ANKS1B: variants seen among roughly 807,000 people sequenced by gnomAD.
ANKS1B encodes the protein ankyrin repeat and sterile alpha motif domain-containing protein 1B.
In ANKS1B, 36 loss-of-function variants were observed where a neutral mutation model predicts 148.3. That is an observed-to-expected ratio of 0.24 (90% CI 0.19 to 0.32). The LOEUF (loss-of-function observed/expected upper bound fraction) is 0.32, where lower values mean the gene tolerates loss of function less well. ANKS1B is among the 10% of genes least tolerant of loss of function. The pLI is 1.00. For synonymous variants in ANKS1B, 542 were observed against 560.8 expected (o/e 0.97, Z 0.47); for missense variants, 1,157 against 1,542.6 (o/e 0.75, Z 4.19).
At chr12:99,905,868 T>A (rs1181119751) in intron 1 of ANKS1B, among the ~76,000 whole-genome samples, 5 of 152,182 alleles carry the variant, frequency 3.3e-5, no homozygotes, top group African/African-American at 9.7e-5. Flanking sequence ...ACAGTCACAT[T>A]ATAAGGTAGA....
chr12:98,753,434 C>CT (rs11351993), intron 25 of ANKS1B, among the ~76,000 whole-genome samples: 43 of 150,522 alleles, frequency 2.9e-4, no homozygotes, highest in Admixed American at 1.5e-3. Flanking sequence ...TTTCTTTTTT[C>CT]TTTTTTTTTT....
intron 9 of ANKS1B, among the ~76,000 whole-genome samples, chr12:99,646,418 G>A (rs2098364745): frequency 1.3e-5 from 2 of 152,084 alleles, no homozygotes; most frequent in Non-Finnish European, 2.9e-5. Flanking sequence ...CAGCACTTGG[G>A]GGGCCAAGGC....
chr12:99,289,162 A>T (rs2079556953), intron 12 of ANKS1B, among the ~76,000 whole-genome samples: 1 of 152,088 alleles, frequency 6.6e-6, no homozygotes, highest in Non-Finnish European at 1.5e-5. Context: ...AAAACTACAA[A>T]AAGTGATAAA....
intron 15 of ANKS1B, among the ~76,000 whole-genome samples, chr12:99,145,612 CAAGT>C (rs1228586279): frequency 1.3e-5 from 2 of 152,054 alleles, no homozygotes; most frequent in Admixed American, 6.6e-5. Flanking sequence ...GCAGAGCAAG[CAAGT>C]GAGAAGCTAA....
chr12:99,971,634 A>G (rs1161604645), intron 1 of ANKS1B, among the ~76,000 whole-genome samples: 1 of 152,144 alleles, frequency 6.6e-6, no homozygotes, highest in African/African-American at 2.4e-5. Context: ...AGAAAAATCA[A>G]TGTGGAAGAA....
chr12:99,741,070 T>C (rs1245501568), intron 8 of ANKS1B, among the ~76,000 whole-genome samples: 3 of 151,914 alleles, frequency 2.0e-5, no homozygotes. Flanking sequence ...TAGCTGGGTG[T>C]GGTGGCGCGT....
chr12:99,940,645 C>T (rs2094897357), intron 1 of ANKS1B, among the ~76,000 whole-genome samples: 1 of 152,108 alleles, frequency 6.6e-6, no homozygotes. Context: ...TTACTTAACG[C>T]TTCCAACTTG....
At chr12:99,024,108 TG>T (rs2099947393) in intron 17 of ANKS1B, among the ~76,000 whole-genome samples, 2 of 152,038 alleles carry the variant, frequency 1.3e-5, no homozygotes, top group South Asian at 4.1e-4. Flanking sequence ...CTTGGTTGTT[TG>T]TTTAATCATT....
chr12:99,688,707 T>A (rs1001098346), intron 8 of ANKS1B, among the ~76,000 whole-genome samples: 3 of 152,040 alleles, frequency 2.0e-5, no homozygotes, highest in Non-Finnish European at 4.4e-5. Flanking sequence ...GGTGCACACC[T>A]GTAGTCCAAA....
chr12:99,443,039 G>T lies in ANKS1B; in HGVS notation c.1575+634C>A, dbSNP rs1056728867. 2.6e-5 allele frequency among the ~76,000 whole-genome samples: 4 copies of T among 151,810 alleles called. No homozygotes were observed. In the South Asian group the frequency reaches 8.3e-4, roughly 31 times the overall value. On this transcript the variant is annotated intron_variant, in intron 11 of 26. Transcript: ENST00000683438. ...ATATCACAGAACAGCTTGTCCCAAT[G>T]ATATTTCTAAAGCTTGCCTGCAAAC... is the stretch of plus-strand genomic sequence containing the variant.
At chr12:98,787,727 C>G (rs1160597148) in intron 22 of ANKS1B, among the ~76,000 whole-genome samples, 2 of 151,774 alleles carry the variant, frequency 1.3e-5, no homozygotes, top group Non-Finnish European at 2.9e-5. Context: ...CGAGACCAGC[C>G]TGGGCAACAC....
At chr12:99,973,686 T>G (rs1360619774) in intron 1 of ANKS1B, among the ~76,000 whole-genome samples, 1 of 152,232 alleles carries the variant, frequency 6.6e-6, no homozygotes, top group Admixed American at 6.5e-5. Context: ...GAGGGATTCA[T>G]GATTTCAACA....
At chr12:99,741,931 A>G (rs2060153377) in intron 8 of ANKS1B, among the ~76,000 whole-genome samples, 1 of 152,132 alleles carries the variant, frequency 6.6e-6, no homozygotes, top group African/African-American at 2.4e-5. Context: ...AAAAAAAAGA[A>G]TAAGATCATG....
In ANKS1B at chr12:99,084,994, C is replaced by T; in HGVS notation, c.2556G>A (p.Leu852=). ...MGSNVMEDQD[L]LEIGILNSGH... ...CAGAATTAAGGATTCCAATTTCCAA[C>T]AAATCCTGATCTTCCATAACATTGC... Residue 852 remains leucine (L), a synonymous_variant, in exon 16 of 27, where the codon TTG becomes TTA. Coordinates refer to ENST00000683438, the MANE Select transcript of ANKS1B (RefSeq NM_001352186.2). 1 of 1,609,934 alleles carries T rather than the reference C, an allele frequency of 6.2e-7. No individual in the cohort carries two copies. The highest frequency in any genetic ancestry group is 1.7e-4 in the Middle Eastern group (1 of 6,052).
At chr12:99,724,785 C>A (rs984125867) in intron 8 of ANKS1B, among the ~76,000 whole-genome samples, 7 of 152,158 alleles carry the variant, frequency 4.6e-5, no homozygotes, top group Non-Finnish European at 5.9e-5. Context: ...CAAAGGGAAG[C>A]CCATCAGACT....
At chr12:99,914,602 C>T (rs1167645483) in intron 1 of ANKS1B, among the ~76,000 whole-genome samples, 3 of 151,988 alleles carry the variant, frequency 2.0e-5, no homozygotes, top group African/African-American at 4.8e-5. Context: ...TGAAATCAGG[C>T]CTAAGATTTG....
chr12:98,819,286 C>T (rs769412931), intron 19 of ANKS1B, among the ~76,000 whole-genome samples: 1 of 152,150 alleles, frequency 6.6e-6, no homozygotes, highest in Non-Finnish European at 1.5e-5. Context: ...TGAAGAAAAG[C>T]ACAGTAAGAA....
In ANKS1B at chr12:98,801,160, C is replaced by T. The variant is rs778025523; in HGVS notation, c.3142-35G>A. 6.2e-7 allele frequency: 1 copy of T among 1,606,206 alleles called. No individual in the cohort carries two copies. The highest frequency in any genetic ancestry group is 8.5e-7 in the Non-Finnish European group (1 of 1,175,840). ...ACATTTATTCTAGAGGCAATATGAGCAGTCAGCAAAGTTCATTCCCTGTAG... is the reference window on the plus strand; with the variant it reads ...ACATTTATTCTAGAGGCAATATGAGTAGTCAGCAAAGTTCATTCCCTGTAG... On this transcript the variant is annotated intron_variant, in intron 20 of 26. Transcript: ENST00000683438. This position sits in a 1 kb window ranked among gnomAD's most constrained non-coding sequence, Gnocchi z 5.2.
intron 10 of ANKS1B, among the ~76,000 whole-genome samples, chr12:99,501,417 G>T (rs1354108318): frequency 3.3e-5 from 5 of 152,048 alleles, no homozygotes; most frequent in Admixed American, 2.6e-4. Context: ...ATACCTGAGG[G>T]TATTAGTTTA....
Sources: allele counts gnomAD v4.1 joint callset (sites outside exome capture counted in the v4.1 genomes callset), GRCh38; gene constraint gnomAD v4.1.1; non-coding constraint Gnocchi (gnomAD v3.1); transcripts MANE v1.5; gene names NCBI Gene and HGNC (gene_info 2026-07-23, HGNC 2026-07-21).